The following LRMDA variants were observed in gnomAD, a reference collection of about 807,000 sequenced individuals.
LRMDA encodes the protein leucine-rich melanocyte differentiation-associated protein.
A neutral mutation model predicts 29.8 loss-of-function variants in LRMDA; 18 were observed. That is an observed-to-expected ratio of 0.60 (90% CI 0.42 to 0.90). LRMDA has a LOEUF of 0.90. LRMDA is among the 40% of genes least tolerant of loss of function. The pLI is 0.00. For synonymous variants in LRMDA, 125 were observed against 109.4 expected, an observed-to-expected ratio of 1.14 and a Z score of -0.89; for missense variants, 273 against 273.9, an observed-to-expected ratio of 1.00 and a Z score of 0.02.
intron 5 of LRMDA, among the ~76,000 whole-genome samples, chr10:76,274,012 A>G (rs186345031): frequency 1.3e-5 from 2 of 152,270 alleles, no homozygotes; most frequent in East Asian, 3.9e-4. Flanking sequence ...AGCAGGATAT[A>G]TATTTCTAAA....
rs189244405 is a variant in LRMDA at position 76,257,622 on chromosome 10, C to T, written c.517-66779C>T. On this transcript the variant is annotated intron_variant, in intron 5 of 6. Coordinates refer to ENST00000611255, the MANE Select transcript of LRMDA (RefSeq NM_001305581.2). Reference sequence around the variant, plus strand: ...GTGCTGGGATTACAGGTGTGAGCCACGGCACCTGGCCAGCACTGGGTATTT... The same window carrying T: ...GTGCTGGGATTACAGGTGTGAGCCATGGCACCTGGCCAGCACTGGGTATTT... Among the ~76,000 whole-genome samples the T allele has an allele frequency of 8.0e-4, 122 of 152,168 alleles. 4 individuals are homozygous for T. Among genetic ancestry groups the T allele is most frequent in the Admixed American group, 5.7e-3 (87 of 15,282 alleles).
intron 5 of LRMDA, among the ~76,000 whole-genome samples, chr10:76,148,721 C>T (rs1850381012): frequency 6.6e-6 from 1 of 152,136 alleles, no homozygotes; most frequent in Admixed American, 6.5e-5. Flanking sequence ...TCTGGCACTC[C>T]CCAGTGAGAT....
chr10:76,091,179 C>T (rs7922610), intron 5 of LRMDA, among the ~76,000 whole-genome samples: 7,931 of 151,946 alleles, frequency 0.052, 538 homozygotes, highest in African/African-American at 0.15. Context: ...TGTAAAATAG[C>T]GAGTACTCAA....
chr10:76,172,164 A>T (rs1850850857), intron 5 of LRMDA, among the ~76,000 whole-genome samples: 1 of 152,152 alleles, frequency 6.6e-6, no homozygotes, highest in African/African-American at 2.4e-5. Context: ...TAATCTATTC[A>T]TGAGGGATCT....
At chr10:76,373,437 T>A (rs1182969535) in intron 6 of LRMDA, among the ~76,000 whole-genome samples, 1 of 152,174 alleles carries the variant, frequency 6.6e-6, no homozygotes, top group Non-Finnish European at 1.5e-5. Context: ...ATTATTATGA[T>A]ACAACTCATT....
intron 6 of LRMDA, among the ~76,000 whole-genome samples, chr10:76,460,198 C>T (rs1842498060): frequency 2.0e-5 from 3 of 152,182 alleles, no homozygotes; most frequent in Admixed American, 2.0e-4. Context: ...GTCAGGAGAG[C>T]TTTGAAAAAG....
chr10:76,045,448 T>G (rs1402452651), intron 3 of LRMDA, among the ~76,000 whole-genome samples: 3 of 150,846 alleles, frequency 2.0e-5, no homozygotes, highest in African/African-American at 7.3e-5. Context: ...CTGGTTAGTT[T>G]CCTCCTCTTG....
At chr10:75,872,088 T>G (rs1156492179) in intron 2 of LRMDA, among the ~76,000 whole-genome samples, 2 of 152,212 alleles carry the variant, frequency 1.3e-5, no homozygotes, top group Non-Finnish European at 2.9e-5. Flanking sequence ...ACGGTACTTT[T>G]AAATTTCTAC....
At chr10:76,335,610 CAA>C (rs950548966) in intron 6 of LRMDA, among the ~76,000 whole-genome samples, 4 of 152,132 alleles carry the variant, frequency 2.6e-5, no homozygotes, top group African/African-American at 9.7e-5. Context: ...AGACATCAAT[CAA>C]ATACATGTAA....
Position 76,304,286 on chromosome 10 carries a change from A to C in LRMDA, c.517-20115A>C, listed in dbSNP as rs148853997. Among the ~76,000 whole-genome samples the C allele has an allele frequency of 9.5e-3, 1,449 of 152,294 alleles. 12 individuals are homozygous for C. Among genetic ancestry groups the C allele is most frequent in the South Asian group, 0.04 (193 of 4,814 alleles). On this transcript the variant is annotated intron_variant, in intron 5 of 6. Transcript: ENST00000611255. ...ATCCCAGACAGACGCCACTGAATGCATCTTAGAAACTACAGGCTTGGTTTT... is the reference window on the plus strand; with the variant it reads ...ATCCCAGACAGACGCCACTGAATGCCTCTTAGAAACTACAGGCTTGGTTTT...
intron 2 of LRMDA, among the ~76,000 whole-genome samples, chr10:75,720,787 AGTGT>A (rs894732853): frequency 6.6e-5 from 10 of 152,108 alleles, no homozygotes; most frequent in Admixed American, 5.9e-4. Flanking sequence ...TCCTTGGTCC[AGTGT>A]GTGTAGACCT....
chr10:75,734,727 C>G (rs1331260481), intron 2 of LRMDA, among the ~76,000 whole-genome samples: 1 of 152,186 alleles, frequency 6.6e-6, no homozygotes, highest in Admixed American at 6.5e-5. Flanking sequence ...GAGTCCTGTC[C>G]ACTCAGTATA....
chr10:75,933,190 T>G (rs1846233297), intron 2 of LRMDA, among the ~76,000 whole-genome samples: 1 of 152,118 alleles, frequency 6.6e-6, no homozygotes, highest in African/African-American at 2.4e-5. Context: ...ACTCATCACC[T>G]TCAAGCAAAT....
At chr10:75,481,530 C>A (rs1156453492) in intron 2 of LRMDA, among the ~76,000 whole-genome samples, 2 of 152,168 alleles carry the variant, frequency 1.3e-5, no homozygotes, top group Non-Finnish European at 2.9e-5. Flanking sequence ...TAGTTCTCTT[C>A]ATCTTCATCA....
intron 2 of LRMDA, among the ~76,000 whole-genome samples, chr10:75,613,993 T>G (rs1841067734): frequency 6.6e-6 from 1 of 152,216 alleles, no homozygotes; most frequent in Non-Finnish European, 1.5e-5. Context: ...ATATGGCAGA[T>G]AAGACCTTGA....
intron 5 of LRMDA, among the ~76,000 whole-genome samples, chr10:76,180,632 A>G (rs1013122514): frequency 6.6e-6 from 1 of 152,074 alleles, no homozygotes; most frequent in African/African-American, 2.4e-5. Context: ...TTTAAAGGCC[A>G]CTAAGGAGAA....
chr10:75,853,807 C>A (rs1844774115), intron 2 of LRMDA, among the ~76,000 whole-genome samples: 1 of 152,180 alleles, frequency 6.6e-6, no homozygotes, highest in Admixed American at 6.5e-5. Context: ...CTCTGGACAT[C>A]CCCAGAACTG....
At chr10:76,322,850 C>T (rs964055766) in intron 5 of LRMDA, among the ~76,000 whole-genome samples, 2 of 152,046 alleles carry the variant, frequency 1.3e-5, no homozygotes, top group African/African-American at 4.8e-5. Context: ...CCCCATATGT[C>T]CTGCCTCAAG....
intron 6 of LRMDA, among the ~76,000 whole-genome samples, chr10:76,500,864 AAT>A (rs1842903979): frequency 1.3e-5 from 1 of 75,044 alleles, no homozygotes; most frequent in Non-Finnish European, 4.4e-5. Context: ...TTAAAAAAAA[AAT>A]AAAAGTAACT....
Sources: allele counts gnomAD v4.1 joint callset (sites outside exome capture counted in the v4.1 genomes callset), GRCh38; gene constraint gnomAD v4.1.1; transcripts MANE v1.5; gene names NCBI Gene and HGNC (gene_info 2026-07-23, HGNC 2026-07-21).